Variants in SPATA20 observed in about 807,000 individuals in gnomAD.
SPATA20 encodes the protein spermatogenesis-associated protein 20.
A neutral mutation model predicts 98.9 loss-of-function variants in SPATA20; 74 were observed. The ratio of observed to expected loss-of-function variants is 0.75; its 90% CI spans 0.62 to 0.91. The LOEUF (loss-of-function observed/expected upper bound fraction) is 0.91, where lower values mean the gene tolerates loss of function less well. SPATA20 is among the 40% of genes least tolerant of loss of function. SPATA20 has a pLI of 0.00. For synonymous variants in SPATA20, 430 were observed against 440.5 expected, an observed-to-expected ratio of 0.98 and a Z score of 0.30; for missense variants, 1,016 against 1,069.8, an observed-to-expected ratio of 0.95 and a Z score of 0.70.
intron 15 of SPATA20, 145 bp downstream of exon 15, chr17:50,554,595 G>A: frequency 2.6e-6 from 2 of 770,792 alleles, no homozygotes; most frequent in Non-Finnish European, 4.4e-6. Flanking sequence ...TGTCAGACAG[G>A]GAGGCAGAAG....
rs1187529065 is a variant in SPATA20 at position 50,549,064 on chromosome 17, T to G, written c.538T>G (p.Trp180Gly). 9 of 1,613,470 alleles carry G rather than the reference T, an allele frequency of 5.6e-6. No homozygotes were observed. In the East Asian group the frequency reaches 2.0e-4, roughly 36 times the overall value. ...FVQATSSGGGWPMNVWLTPNL... is the reference protein window; with the variant it reads ...FVQATSSGGGGPMNVWLTPNL... ...CCAGGCCACCAGCAGCGGCGGGGGC[T>G]GGCCCATGAATGTGTGGCTGACTCC... Residue 180 changes from tryptophan (W) to glycine (G), a missense_variant, in exon 6 of 17, where the codon TGG (tryptophan) becomes GGG (glycine). Transcript: ENST00000006658.
At chr17:50,551,269 A>G in intron 12 of SPATA20, 79 bp downstream of exon 12, 1 of 1,344,654 alleles carries the variant, frequency 7.4e-7, no homozygotes, top group Non-Finnish European at 1.0e-6. Flanking sequence ...CAGCGGCTAA[A>G]TGCTCACTCT....
rs538521552 is a variant in SPATA20, at chr17:50,554,559, G to T, written c.2157+109G>T. On this transcript the variant is annotated intron_variant, in intron 15 of 16. Transcript: ENST00000006658. ...TTCCTGGGCTGTCCCCAGAGCTCAG[G>T]TCTGTGTGTGTGCAGGCACGTGGCC... 4.4e-6 allele frequency: 5 copies of T among 1,133,236 alleles called. No individual in the cohort carries two copies. In the East Asian group the frequency reaches 1.2e-4, roughly 27 times the overall value. 70.2% of individuals were successfully genotyped at this position (1,133,236 alleles called of 1,614,324 possible).
rs1403757824 is a variant in SPATA20, at chr17:50,555,811, A to C, written c.*149A>C. On this transcript the variant is annotated 3_prime_UTR_variant, in exon 17 of 17. Coordinates refer to ENST00000006658, the MANE Select transcript of SPATA20 (RefSeq NM_022827.4). ...GCCATACTCACTGCCCCCCTTGGGC[A>C]CCCACTCACCCTAGAATAAACTTAA... 4 of 638,544 alleles carry C rather than the reference A, an allele frequency of 6.3e-6. No individual in the cohort carries two copies. The highest frequency in any genetic ancestry group is 6.2e-5 in the South Asian group (3 of 48,770). The allele number at this position is 638,544 out of a possible 1,614,324, so 39.6% of individuals were successfully genotyped here.
Position 50,551,574 on chromosome 17 carries a change from A to G in SPATA20, c.1640A>G (p.Tyr547Cys). 6.2e-7 allele frequency: 1 copy of G among 1,606,838 alleles called. No individual in the cohort carries two copies. Among genetic ancestry groups the G allele is most frequent in the Non-Finnish European group, 8.5e-7 (1 of 1,174,142 alleles). ...AVLGQDRLIN[Y>C]ATNGAKFLKR... Reference sequence around the variant, plus strand: ...CTGGGCCAAGACAGGCTGATCAACTATGCCACCAATGGTGCCAAGTTCCTG... The same window carrying G: ...CTGGGCCAAGACAGGCTGATCAACTGTGCCACCAATGGTGCCAAGTTCCTG... The change falls in exon 13 of 17, where the codon TAT (tyrosine) becomes TGT (cysteine). Residue 547 changes from tyrosine to cysteine, a missense_variant. Transcript: ENST00000006658.
At position 50,554,452 on chromosome 17, in the gene SPATA20, T is replaced by G; in HGVS notation, c.2157+2T>G. On this transcript the variant is annotated splice_donor_variant, in intron 15 of 16. Transcript: ENST00000006658. LOFTEE classifies it high-confidence loss of function. ...GCCCAGCAGCAGACCCTCAAGCAGGTGGGGGGTGAGGGCATCTGGGCTGGG... is the reference window on the plus strand; with the variant it reads ...GCCCAGCAGCAGACCCTCAAGCAGGGGGGGGGTGAGGGCATCTGGGCTGGG... 2 of 1,609,076 alleles carry G rather than the reference T, an allele frequency of 1.2e-6. No homozygotes were observed.
chr17:50,554,037 CT>C (rs977987147), intron 14 of SPATA20, among the ~76,000 whole-genome samples: 4 of 152,168 alleles, frequency 2.6e-5, no homozygotes, highest in Admixed American at 1.3e-4. Flanking sequence ...ACAGTTGAGG[CT>C]AGGACAGGTA....
chr17:50,551,323 A>C (rs1186190341), intron 12 of SPATA20, 133 bp downstream of exon 12: 1 of 1,183,730 alleles, frequency 8.4e-7, no homozygotes, highest in African/African-American at 1.5e-5. Flanking sequence ...AAGAGGCTTA[A>C]GGAGCTTGAG....
chr17:50,555,699 G>C lies in SPATA20; in HGVS notation c.*37G>C, dbSNP rs376501318. 14 of 1,583,734 alleles carry C rather than the reference G, an allele frequency of 8.8e-6. No homozygotes were observed. Among genetic ancestry groups the C allele is most frequent in the African/African-American group, 1.4e-5 (1 of 73,486 alleles). On this transcript the variant is annotated 3_prime_UTR_variant, in exon 17 of 17. Coordinates refer to ENST00000006658, the MANE Select transcript of SPATA20 (RefSeq NM_022827.4). ...CCCTTGGGGTGGGGCAGAAGGTGAA[G>C]CATCCCAACTGACTAGAGACTCAGG... is the stretch of plus-strand genomic sequence containing the variant.
At chr17:50,548,165 G>T in intron 2 of SPATA20, 118 bp from the exon 3 acceptor site, 1 of 1,493,388 alleles carries the variant, frequency 6.7e-7, no homozygotes, top group Non-Finnish European at 8.9e-7. Context: ...CAGAAAGGTG[G>T]GTTGGGCTGG....
chr17:50,552,168 C>T lies in SPATA20; in HGVS notation c.1945C>T (p.Arg649Cys), dbSNP rs755985686. ...TGAGCTGGGGGCTGGCCTGCCCCTG[C>T]GTCTGAAGGACGGTCAGTGGGGGTG... ...EAELGAGLPL[R>C]LKDDQDGAEP... is the part of the protein sequence containing the mutation. The change falls in exon 14 of 17, where the codon CGT becomes TGT. Residue 649 changes from arginine (R) to cysteine (C), a missense_variant. Arg to Cys is a radical substitution (Grantham distance 180, BLOSUM62 -3). Coordinates refer to ENST00000006658, the MANE Select transcript of SPATA20 (RefSeq NM_022827.4). The T allele has an allele frequency of 1.2e-5, 19 of 1,613,340 alleles. No homozygotes were observed. The highest frequency in any genetic ancestry group is 4.4e-5 in the South Asian group (4 of 91,050).
rs138636087 is a variant in SPATA20, at chr17:50,549,374, G to T, written c.749G>T (p.Arg250Leu). The T allele has an allele frequency of 8.7e-6, 14 of 1,612,274 alleles. No individual in the cohort carries two copies. The highest frequency in any genetic ancestry group is 1.2e-5 in the Non-Finnish European group (14 of 1,179,960). ...LARSEISVGDRQLPPSAATVN... is the reference protein window; with the variant it reads ...LARSEISVGDLQLPPSAATVN... Reference sequence around the variant, plus strand: ...CGATCAGAGATCAGCGTGGGTGACCGCCAGCTGCCGCCCTCTGCCGCCACC... The same window carrying T: ...CGATCAGAGATCAGCGTGGGTGACCTCCAGCTGCCGCCCTCTGCCGCCACC... The change falls in exon 7 of 17, where the codon CGC (arginine) becomes CTC (leucine). Residue 250 changes from arginine (R) to leucine (L), a missense_variant. Coordinates refer to ENST00000006658, the MANE Select transcript of SPATA20 (RefSeq NM_022827.4).
intron 4 of SPATA20, 50 bp from the exon 5 acceptor site, chr17:50,548,760 C>T: frequency 3.1e-6 from 5 of 1,597,036 alleles, no homozygotes; most frequent in Admixed American, 1.7e-5. Flanking sequence ...TGGCCAGCCT[C>T]CCTCTGACCC....
At chr17:50,547,620 C>T (rs1353054245) in intron 1 of SPATA20, 100 bp from the exon 2 acceptor site, 1 of 762,062 alleles carries the variant, frequency 1.3e-6, no homozygotes, top group South Asian at 1.4e-5. Flanking sequence ...GTACCCTGTG[C>T]CCTGTCACAG....
rs2035112798 is a variant in SPATA20, at chr17:50,555,842, TC to T, written c.*183del. The T allele has an allele frequency of 1.8e-6, 1 of 557,924 alleles. No individual in the cohort carries two copies. Among genetic ancestry groups the T allele is most frequent in the Non-Finnish European group, 3.1e-6 (1 of 320,894 alleles). 34.6% of individuals were successfully genotyped at this position (557,924 alleles called of 1,614,324 possible). On this transcript the variant is annotated 3_prime_UTR_variant, in exon 17 of 17. Coordinates refer to ENST00000006658, the MANE Select transcript of SPATA20 (RefSeq NM_022827.4). ...TCACCCTAGAATAAACTTAACAGTG[TC>T]CCGTGGTAACCTGAGGGCCTCAGCT...
At chr17:50,547,863 C>A (rs772029961) in intron 2 of SPATA20, 96 bp downstream of exon 2, 11 of 1,095,510 alleles carry the variant, frequency 1.0e-5, no homozygotes, top group Non-Finnish European at 1.4e-5. Flanking sequence ...CCTGTCCAGC[C>A]ACCAACAGTA....
Position 50,547,186 on chromosome 17 carries a change from CG to C in SPATA20, c.-20del. ...GACTTCCCTTCCTGTCCTCAGCGGC[CG>C]GGCCCACGGCCCCGAGCAGCCATGC... On this transcript the variant is annotated 5_prime_UTR_variant, in exon 1 of 17. Transcript: ENST00000006658. 1.4e-6 allele frequency: 2 copies of C among 1,416,090 alleles called. No individual in the cohort carries two copies. Among genetic ancestry groups the C allele is most frequent in the South Asian group, 1.5e-5 (1 of 67,234 alleles). The allele number at this position is 1,416,090 out of a possible 1,614,324, so 87.7% of individuals were successfully genotyped here. A position where few individuals can be genotyped will look rare whatever the true frequency, so the allele number is the denominator to read the frequency against.
chr17:50,548,627 C>T lies in SPATA20; in HGVS notation c.361+9C>T. 1.2e-6 allele frequency: 2 copies of T among 1,612,154 alleles called. No individual in the cohort carries two copies. Among genetic ancestry groups the T allele is most frequent in the Non-Finnish European group, 1.7e-6 (2 of 1,179,528 alleles). On this transcript the variant is annotated intron_variant, in intron 4 of 16. Transcript: ENST00000006658. ...GCCGATTTTCCTCTCAGGTAATGCTCCCACCTTCCCTGATGTGGGGGTGTG... is the reference window on the plus strand; with the variant it reads ...GCCGATTTTCCTCTCAGGTAATGCTTCCACCTTCCCTGATGTGGGGGTGTG...
At position 50,550,697 on chromosome 17, in the gene SPATA20, C is replaced by T; in HGVS notation, c.1174-11C>T. On this transcript the variant is annotated splice_polypyrimidine_tract_variant and intron_variant, in intron 10 of 16. Transcript: ENST00000006658. Reference sequence around the variant, plus strand: ...GTGGGCCGGGGCCAGCCAACTCTCCCCTCCCCACAGTCCGGAGGCTTCTAT... The same window carrying T: ...GTGGGCCGGGGCCAGCCAACTCTCCTCTCCCCACAGTCCGGAGGCTTCTAT... 6.2e-7 allele frequency: 1 copy of T among 1,613,226 alleles called. No homozygotes were observed. Among genetic ancestry groups the T allele is most frequent in the African/African-American group, 1.3e-5 (1 of 75,056 alleles).
Sources: allele counts gnomAD v4.1 joint callset (sites outside exome capture counted in the v4.1 genomes callset), GRCh38; gene constraint gnomAD v4.1.1; transcripts MANE v1.5; gene names NCBI Gene and HGNC (gene_info 2026-07-23, HGNC 2026-07-21).